CDCA7: variants seen among roughly 807,000 people sequenced by gnomAD.
CDCA7 encodes cell division cycle associated 7.
Under a neutral mutation model 54.0 loss-of-function variants are expected in CDCA7, and 28 were observed. The ratio of observed to expected loss-of-function variants is 0.52; its 90% CI spans 0.38 to 0.71. The LOEUF (loss-of-function observed/expected upper bound fraction) is 0.71. Among genes scored for constraint, CDCA7 ranks in the 30% least tolerant of loss-of-function variants. CDCA7 has a pLI of 0.00. For synonymous variants in CDCA7, 180 were observed against 208.2 expected, an observed-to-expected ratio of 0.86 and a Z score of 1.16; for missense variants, 484 against 586.0, an observed-to-expected ratio of 0.83 and a Z score of 1.80.
Position 173,366,341 on chromosome 2 carries a change from A to G in CDCA7, c.1094A>G (p.Asn365Ser). 3 of 1,614,020 alleles carry G rather than the reference A, an allele frequency of 1.9e-6. No homozygotes were observed. The highest frequency in any genetic ancestry group is 2.5e-6 in the Non-Finnish European group (3 of 1,180,012). The change falls in exon 8 of 10, where the codon AAC (asparagine) becomes AGC (serine). Residue 365 changes from asparagine (N) to serine (S), a missense_variant. Asn to Ser is a conservative substitution (Grantham distance 46). Around this residue, in one of 3 missense-constraint regions of CDCA7, gnomAD observed 83 missense variants for 122.3 expected, o/e 0.68. Coordinates refer to ENST00000306721, the MANE Select transcript of CDCA7 (RefSeq NM_031942.5). This position sits in a 1 kb window ranked among gnomAD's most constrained non-coding sequence, Gnocchi z 4.5. Reference protein sequence around the residue: ...KTIDTKTNCRNPDCWGVRGQF... With the variant: ...KTIDTKTNCRSPDCWGVRGQF... The stretch of plus-strand genomic sequence containing the variant: ...ATTGATACCAAAACAAACTGCAGAA[A>G]CCCAGACTGCTGGGGCGTTCGAGGC...
Position 173,363,986 on chromosome 2 carries a change from G to A in CDCA7, c.699+91G>A, listed in dbSNP as rs542965601. On this transcript the variant is annotated intron_variant, in intron 5 of 9. Transcript: ENST00000306721. ...ATTTAAAAATCTAATTTCTTTATTTGTGTGGCCTTCTAGACAAACGAAGGG... is the reference window on the plus strand; with the variant it reads ...ATTTAAAAATCTAATTTCTTTATTTATGTGGCCTTCTAGACAAACGAAGGG... 11 of 1,241,864 alleles carry A rather than the reference G, an allele frequency of 8.9e-6. No individual in the cohort carries two copies. The South Asian group carries it at 9.0e-5, about 10-fold the overall frequency. 76.9% of individuals were successfully genotyped at this position (1,241,864 alleles called of 1,614,324 possible).
At chr2:173,359,047 T>G (rs947898687) in intron 2 of CDCA7, among the ~76,000 whole-genome samples, 1 of 152,256 alleles carries the variant, frequency 6.6e-6, no homozygotes, top group African/African-American at 2.4e-5. Flanking sequence ...TCTATCCTTT[T>G]GAAATGTCGC....
At chr2:173,355,329 C>T (rs1222897918) in intron 1 of CDCA7, among the ~76,000 whole-genome samples, 6 of 152,184 alleles carry the variant, frequency 3.9e-5, no homozygotes, top group African/African-American at 1.4e-4. Flanking sequence ...CAGGCAGAGC[C>T]AGCCTGCCTG....
intron 3 of CDCA7, among the ~76,000 whole-genome samples, chr2:173,361,869 G>A (rs968926161): frequency 6.6e-6 from 1 of 151,872 alleles, no homozygotes; most frequent in African/African-American, 2.4e-5. Context: ...GTGCAGTGGT[G>A]TGGTCTCAGT....
At chr2:173,363,917 T>C (rs778728854) in intron 5 of CDCA7, 22 bp downstream of exon 5, 4 of 1,606,004 alleles carry the variant, frequency 2.5e-6, no homozygotes, top group Non-Finnish European at 3.4e-6. Flanking sequence ...TTCTTGTTTA[T>C]ATACAGTAGT....
chr2:173,368,380 A>C lies in CDCA7; in HGVS notation c.*716A>C, dbSNP rs980335661. ...AAATAATGATGGAAGAGCTATCTGG[A>C]GATTATGAGTAAGCTGATTTGAATT... On this transcript the variant is annotated 3_prime_UTR_variant, in exon 10 of 10. Coordinates refer to ENST00000306721, the MANE Select transcript of CDCA7 (RefSeq NM_031942.5). The C allele has an allele frequency of 6.6e-6, 1 of 152,206 alleles. No individual in the cohort carries two copies. The highest frequency in any genetic ancestry group is 1.5e-5 in the Non-Finnish European group (1 of 68,046). The allele number at this position is 152,206 out of a possible 1,614,324, so 9.4% of individuals were successfully genotyped here. A position where few individuals can be genotyped will look rare whatever the true frequency, so the allele number is the denominator to read the frequency against.
chr2:173,363,267 G>A lies in CDCA7; in HGVS notation c.426G>A (p.Gln142=), dbSNP rs747638973. The part of the protein sequence containing the change: ...SVREGCRTRS[Q]CRHSGPLRVA... ...GGGAAGGCTGTAGGACCCGCAGCCA[G>A]TGCAGGCACTCTGGACCTCTCAGGG... Residue 142 remains glutamine, a synonymous_variant, in exon 4 of 10, where the codon CAG becomes CAA. Coordinates refer to ENST00000306721, the MANE Select transcript of CDCA7 (RefSeq NM_031942.5). The A allele has an allele frequency of 1.9e-6, 3 of 1,614,210 alleles. No individual in the cohort carries two copies. The highest frequency in any genetic ancestry group is 2.2e-5 in the South Asian group (2 of 91,080).
chr2:173,358,816 T>C lies in CDCA7; in HGVS notation c.126T>C (p.Ala42=), dbSNP rs759103879. 1.7e-5 allele frequency: 27 copies of C among 1,613,454 alleles called. No homozygotes were observed. Among genetic ancestry groups the C allele is most frequent in the Non-Finnish European group, 1.9e-5 (23 of 1,179,688 alleles). Residue 42 remains alanine, a synonymous_variant, in exon 2 of 10, where the codon GCT becomes GCC. Coordinates refer to ENST00000306721, the MANE Select transcript of CDCA7 (RefSeq NM_031942.5). ...CTGATGACAGTTGTGACAGCTTTGC[T>C]TCTGATAATTTTGCAAACACGGTAA... ...SSSDDSCDSF[A]SDNFANTKPK...
chr2:173,365,368 A>C, intron 6 of CDCA7, 84 bp from the exon 7 acceptor site: 1 of 1,444,820 alleles, frequency 6.9e-7, no homozygotes, highest in South Asian at 1.3e-5. Context: ...TCTGTGTTTC[A>C]TATTTGAATC....
rs1444929818 is a variant in CDCA7 at position 173,363,258 on chromosome 2, C to A, written c.417C>A (p.Thr139=). 2 of 1,614,108 alleles carry A rather than the reference C, an allele frequency of 1.2e-6. No individual in the cohort carries two copies. Among genetic ancestry groups the A allele is most frequent in the Non-Finnish European group, 1.7e-6 (2 of 1,180,034 alleles). The change falls in exon 4 of 10, where the codon ACC becomes ACA. Residue 139 remains threonine, a synonymous_variant. Transcript: ENST00000306721. ...AGTCAGTTCGGGAAGGCTGTAGGAC[C>A]CGCAGCCAGTGCAGGCACTCTGGAC... ...RLQSVREGCR[T]RSQCRHSGPL... is the part of the protein sequence containing the mutation.
chr2:173,364,896 C>T lies in CDCA7; in HGVS notation c.801C>T (p.Leu267=), dbSNP rs140418017. The change falls in exon 6 of 10, where the codon CTC becomes CTT. Residue 267 remains leucine (L), a synonymous_variant. Transcript: ENST00000306721. ...RPLTRSRSRI[L]GSLDALPMEE... ...TTACCAGGTCAAGGTCCCGGATCCT[C>T]GGGTCCCTTGACGCTCTACCCATGG... 2.2e-5 allele frequency: 35 copies of T among 1,609,786 alleles called. No homozygotes were observed. Among genetic ancestry groups the T allele is most frequent in the East Asian group, 6.7e-5 (3 of 44,564 alleles).
intron 3 of CDCA7, among the ~76,000 whole-genome samples, chr2:173,362,419 T>TTA (rs1262840548): frequency 6.6e-6 from 1 of 152,144 alleles, no homozygotes; most frequent in Non-Finnish European, 1.5e-5. Flanking sequence ...GTGCATGTAT[T>TTA]TAATGCCATT....
chr2:173,358,505 G>A, intron 1 of CDCA7: 1 of 454,550 alleles, frequency 2.2e-6, no homozygotes. Flanking sequence ...ACTTTAGCCT[G>A]GAAGACAGAG....
intron 3 of CDCA7, among the ~76,000 whole-genome samples, chr2:173,363,003 G>C (rs1302747507): frequency 6.6e-6 from 1 of 152,170 alleles, no homozygotes; most frequent in African/African-American, 2.4e-5. Flanking sequence ...CAGGCCTAGG[G>C]ACTATGAAAA....
chr2:173,363,589 T>A, intron 4 of CDCA7, 127 bp downstream of exon 4: 1 of 1,019,534 alleles, frequency 9.8e-7, no homozygotes, highest in South Asian at 1.6e-5. Context: ...TGTTTACCTG[T>A]GAAGTCTTCA....
In CDCA7 at chr2:173,365,984, C is replaced by G. The variant is rs145822227; in HGVS notation, c.1036-299C>G. Among the ~76,000 whole-genome samples the G allele has an allele frequency of 3.7e-3, 569 of 152,174 alleles. 1 individual carries two copies. Among genetic ancestry groups the G allele is most frequent in the African/African-American group, 0.013 (526 of 41,512 alleles). On this transcript the variant is annotated intron_variant, in intron 7 of 9. Coordinates refer to ENST00000306721, the MANE Select transcript of CDCA7 (RefSeq NM_031942.5). ...TAAAGGGAAAGCGGTTTTACCACAC[C>G]AGGCTAATTTTTATATTTTTAGTGG...
Position 173,366,419 on chromosome 2 carries a change from C to T in CDCA7, c.1172C>T (p.Ala391Val). 6.2e-7 allele frequency: 1 copy of T among 1,614,068 alleles called. No homozygotes were observed. Among genetic ancestry groups the T allele is most frequent in the Admixed American group, 1.7e-5 (1 of 60,016 alleles). Residue 391 changes from alanine to valine, a missense_variant, in exon 8 of 10, where the codon GCT (alanine) becomes GTT (valine). Physicochemically the swap from Ala to Val is moderately conservative, Grantham distance 64 (BLOSUM62 0). Transcript: ENST00000306721. This position sits in a 1 kb window ranked among gnomAD's most constrained non-coding sequence, Gnocchi z 4.5. ...RNRYGEEVRDALLDPNWHCPP... is the reference protein window; with the variant it reads ...RNRYGEEVRDVLLDPNWHCPP... ...CGTTATGGTGAAGAGGTCAGGGATG[C>T]TCTGCTGGATCCGGTAGGTGCCTGC...
intron 2 of CDCA7, 131 bp from the exon 3 acceptor site, chr2:173,359,124 T>C: frequency 1.2e-6 from 1 of 808,884 alleles, no homozygotes; most frequent in Non-Finnish European, 1.9e-6. Flanking sequence ...CTGAACCATT[T>C]TTCTTTGTAA....
Position 173,366,247 on chromosome 2 carries a change from TTTTTTTTG to T in CDCA7, c.1036-28_1036-21del. On this transcript the variant is annotated intron_variant, in intron 7 of 9. Coordinates refer to ENST00000306721, the MANE Select transcript of CDCA7 (RefSeq NM_031942.5). The surrounding 1 kb of genome is among the most constrained non-coding windows in gnomAD (Gnocchi z 4.5). ...CATTTCCTCTGTTGAAAAACAGTGG[TTTTTTTTG>T]TTTTTTTTCTTAATGGCTTATTTGT... 1 of 1,475,778 alleles carries T rather than the reference TTTTTTTTG, an allele frequency of 6.8e-7. No homozygotes were observed. The highest frequency in any genetic ancestry group is 2.5e-5 in the East Asian group (1 of 39,642). 91.4% of individuals were successfully genotyped at this position (1,475,778 alleles called of 1,614,324 possible). A position where few individuals can be genotyped will look rare whatever the true frequency, so the allele number is the denominator to read the frequency against.
Sources: allele counts gnomAD v4.1 joint callset (sites outside exome capture counted in the v4.1 genomes callset), GRCh38; gene constraint gnomAD v4.1.1; regional missense constraint gnomAD v4.1.1; non-coding constraint Gnocchi (gnomAD v3.1); transcripts MANE v1.5; gene names NCBI Gene and HGNC (gene_info 2026-07-23, HGNC 2026-07-21).